RETREG1: variants seen among roughly 807,000 people sequenced by gnomAD.
RETREG1 encodes the protein reticulophagy regulator 1.
Under a neutral mutation model 54.8 loss-of-function variants are expected in RETREG1, and 44 were observed. That is an observed-to-expected ratio of 0.80 (90% CI 0.63 to 1.03). The LOEUF is 1.03. Among genes scored for constraint, RETREG1 ranks in the 50% least tolerant of loss-of-function variants. RETREG1 has a pLI of 0.00. For synonymous variants in RETREG1, 217 were observed against 238.5 expected, an observed-to-expected ratio of 0.91 and a Z score of 0.83; for missense variants, 554 against 605.1, an observed-to-expected ratio of 0.92 and a Z score of 0.89.
intron 3 of RETREG1, among the ~76,000 whole-genome samples, chr5:16,512,551 C>T (rs936917733): frequency 2.0e-5 from 3 of 151,874 alleles, no homozygotes; most frequent in Non-Finnish European, 4.4e-5. Context: ...TTCTTGACAC[C>T]TTTTTCCCCT....
intron 1 of RETREG1, among the ~76,000 whole-genome samples, chr5:16,580,837 C>G (rs1742459843): frequency 6.6e-6 from 1 of 152,134 alleles, no homozygotes; most frequent in Non-Finnish European, 1.5e-5. Flanking sequence ...GAGACCTCAC[C>G]TGGGCTAAGG....
intron 3 of RETREG1, among the ~76,000 whole-genome samples, chr5:16,534,952 G>T (rs1741013575): frequency 6.6e-6 from 1 of 152,162 alleles, no homozygotes; most frequent in African/African-American, 2.4e-5. Context: ...TGGAGGTCCA[G>T]GGATAGATAA....
chr5:16,560,931 G>A (rs1003564879), intron 3 of RETREG1, among the ~76,000 whole-genome samples: 1 of 152,022 alleles, frequency 6.6e-6, no homozygotes, highest in African/African-American at 2.4e-5. Flanking sequence ...AACTGCAGTG[G>A]CCACACCGAG....
intron 3 of RETREG1, among the ~76,000 whole-genome samples, chr5:16,531,955 T>C (rs1296643429): frequency 6.6e-6 from 1 of 152,128 alleles, no homozygotes; most frequent in Admixed American, 6.5e-5. Context: ...GCCTTACCCA[T>C]ACAGGGCTGT....
In RETREG1 at chr5:16,594,381, T is replaced by C. The variant is rs949723230; in HGVS notation, c.320+22271A>G. On this transcript the variant is annotated intron_variant, in intron 1 of 8. Coordinates refer to ENST00000306320, the MANE Select transcript of RETREG1 (RefSeq NM_001034850.3). The surrounding 1 kb of genome is among the most constrained non-coding windows in gnomAD (Gnocchi z 4.4). ...AAACGTGAAATGTCATTGTTAAATATCTTTAAATATGTAGACAACTTTTAT... is the reference window on the plus strand; with the variant it reads ...AAACGTGAAATGTCATTGTTAAATACCTTTAAATATGTAGACAACTTTTAT... Among the ~76,000 whole-genome samples, 5 of 152,330 alleles carry C rather than the reference T, an allele frequency of 3.3e-5. No individual in the cohort carries two copies. The highest frequency in any genetic ancestry group is 1.2e-4 in the African/African-American group (5 of 41,578).
intron 3 of RETREG1, among the ~76,000 whole-genome samples, chr5:16,559,946 G>A (rs1218465964): frequency 6.6e-6 from 1 of 152,146 alleles, no homozygotes; most frequent in African/African-American, 2.4e-5. Flanking sequence ...TGTAAATCCT[G>A]TTCACAGATT....
chr5:16,481,565 A>G (rs1738774087), intron 4 of RETREG1, among the ~76,000 whole-genome samples: 1 of 152,102 alleles, frequency 6.6e-6, no homozygotes, highest in African/African-American at 2.4e-5. Context: ...ATCTACACAA[A>G]TCTAACGTAA....
At chr5:16,575,759 T>C (rs1381167527) in intron 1 of RETREG1, among the ~76,000 whole-genome samples, 1 of 152,222 alleles carries the variant, frequency 6.6e-6, no homozygotes, top group Non-Finnish European at 1.5e-5. Context: ...AGCAAGGTAA[T>C]GCCAAACTGT....
intron 3 of RETREG1, among the ~76,000 whole-genome samples, chr5:16,504,824 C>T (rs914760766): frequency 4.6e-5 from 7 of 152,216 alleles, no homozygotes; most frequent in African/African-American, 1.4e-4. Context: ...CATACGCTGG[C>T]TCACAGGAAT....
In RETREG1 at chr5:16,565,935, T is replaced by C. The variant is rs1489733965; in HGVS notation, c.428-142A>G. ...CAGGACACCATCAAGTCATACAGTG[T>C]ACACTGCTGGCACCATGGCTAATTC... On this transcript the variant is annotated intron_variant, in intron 2 of 8. Transcript: ENST00000306320. 3.4e-6 allele frequency: 3 copies of C among 876,272 alleles called. No homozygotes were observed. The East Asian group carries it at 8.0e-5, about 23-fold the overall frequency. 54.3% of individuals were successfully genotyped at this position (876,272 alleles called of 1,614,324 possible). A position where few individuals can be genotyped will look rare whatever the true frequency, so the allele number is the denominator to read the frequency against.
chr5:16,494,720 T>C (rs1225147061), intron 3 of RETREG1, among the ~76,000 whole-genome samples: 1 of 152,182 alleles, frequency 6.6e-6, no homozygotes, highest in Non-Finnish European at 1.5e-5. Flanking sequence ...TTACCCAGTC[T>C]CTGGTATTTC....
chr5:16,474,801 T>C lies in RETREG1; in HGVS notation c.1434A>G (p.Ala478=), dbSNP rs1474211875. ...SELGLTQDQE[A]EAQQNKKSSG... is the part of the protein sequence containing the mutation. ...AAGACTTCTTATTTTGCTGTGCTTCTGCTTCCTGGTCTTGTGTAAGTCCCA... is the reference window on the plus strand; with the variant it reads ...AAGACTTCTTATTTTGCTGTGCTTCCGCTTCCTGGTCTTGTGTAAGTCCCA... Residue 478 remains alanine, a synonymous_variant, in exon 9 of 9, where the codon GCA becomes GCG. Coordinates refer to ENST00000306320, the MANE Select transcript of RETREG1 (RefSeq NM_001034850.3). 2 of 1,613,832 alleles carry C rather than the reference T, an allele frequency of 1.2e-6. No individual in the cohort carries two copies. The highest frequency in any genetic ancestry group is 2.7e-5 in the African/African-American group (2 of 74,878).
At chr5:16,501,959 C>T (rs958800144) in intron 3 of RETREG1, among the ~76,000 whole-genome samples, 1 of 136,594 alleles carries the variant, frequency 7.3e-6, no homozygotes, top group Non-Finnish European at 1.6e-5. Flanking sequence ...ATTAAGTAAG[C>T]TTTTTTTTTT....
At chr5:16,520,478 C>T (rs1478290314) in intron 3 of RETREG1, among the ~76,000 whole-genome samples, 2 of 152,060 alleles carry the variant, frequency 1.3e-5, no homozygotes, top group African/African-American at 4.8e-5. Context: ...TACAGGCACC[C>T]ATCACCACAC....
At chr5:16,578,116 T>C (rs779746599) in intron 1 of RETREG1, among the ~76,000 whole-genome samples, 24 of 152,344 alleles carry the variant, frequency 1.6e-4, no homozygotes, top group Admixed American at 3.3e-4. Flanking sequence ...CCCCGTCTTA[T>C]TCAGGTCGCC....
In RETREG1 at chr5:16,480,950, G is replaced by T; in HGVS notation, c.670+59C>A. 3.5e-6 allele frequency: 4 copies of T among 1,155,714 alleles called. No individual in the cohort carries two copies. The South Asian group carries it at 3.7e-5, about 11-fold the overall frequency. 71.6% of individuals were successfully genotyped at this position (1,155,714 alleles called of 1,614,324 possible). A position where few individuals can be genotyped will look rare whatever the true frequency, so the allele number is the denominator to read the frequency against. ...CCCCTCTTCAAACTACAGGTCTGTTGACCGTAAGGTGATACCATATGCATC... is the reference window on the plus strand; with the variant it reads ...CCCCTCTTCAAACTACAGGTCTGTTTACCGTAAGGTGATACCATATGCATC... On this transcript the variant is annotated intron_variant, in intron 5 of 8. Coordinates refer to ENST00000306320, the MANE Select transcript of RETREG1 (RefSeq NM_001034850.3).
At chr5:16,480,981 A>C in intron 5 of RETREG1, 28 bp downstream of exon 5, 1 of 1,499,556 alleles carries the variant, frequency 6.7e-7, no homozygotes. Context: ...GCATCACAAC[A>C]CTTAGCCATA....
chr5:16,509,499 T>C (rs959606338), intron 3 of RETREG1: 1 of 152,124 alleles, frequency 6.6e-6, no homozygotes, highest in Non-Finnish European at 1.5e-5. Context: ...AAGAGAGCCA[T>C]CCCTCATTTG....
At chr5:16,494,683 G>A (rs1243213784) in intron 3 of RETREG1, among the ~76,000 whole-genome samples, 8 of 152,166 alleles carry the variant, frequency 5.3e-5, no homozygotes, top group African/African-American at 1.9e-4. Context: ...AGAACCATGA[G>A]CCAATTAAAA....
Sources: allele counts gnomAD v4.1 joint callset (sites outside exome capture counted in the v4.1 genomes callset), GRCh38; gene constraint gnomAD v4.1.1; non-coding constraint Gnocchi (gnomAD v3.1); transcripts MANE v1.5; gene names NCBI Gene and HGNC (gene_info 2026-07-23, HGNC 2026-07-21).